Variants in HECW2 observed in about 807,000 individuals in gnomAD.
HECW2 encodes the protein HECT, C2 and WW domain containing E3 ubiquitin protein ligase 2.
Under a neutral mutation model 175.2 loss-of-function variants are expected in HECW2, and 61 were observed. The ratio of observed to expected loss-of-function variants is 0.35; its 90% confidence interval spans 0.28 to 0.43. The LOEUF (loss-of-function observed/expected upper bound fraction) is 0.43, where lower values mean the gene tolerates loss of function less well. Ranked by LOEUF, HECW2 falls within the 20% of genes least tolerant of loss-of-function variation. The pLI, the probability that HECW2 is intolerant of heterozygous loss-of-function variation, is 1.00. For missense variants in HECW2, 1,524 were observed against 2,000.5 expected (o/e 0.76, Z 4.54); for synonymous variants, 671 against 731.0 (o/e 0.92, Z 1.32).
At chr2:196,349,323 T>G (rs549052877) in intron 2 of HECW2, among the ~76,000 whole-genome samples, 1 of 152,364 alleles carries the variant, frequency 6.6e-6, no homozygotes, top group East Asian at 1.9e-4. Flanking sequence ...TTCTAGATTC[T>G]TAGGTTACTT....
At chr2:196,273,627 G>A (rs1052718051) in intron 16 of HECW2, among the ~76,000 whole-genome samples, 1 of 152,050 alleles carries the variant, frequency 6.6e-6, no homozygotes, top group South Asian at 2.1e-4. Context: ...ATTTTGTGAG[G>A]CTGCTACAGA....
At chr2:196,578,417 GA>G (rs1388359146) in intron 1 of HECW2, among the ~76,000 whole-genome samples, 2 of 152,062 alleles carry the variant, frequency 1.3e-5, no homozygotes, top group African/African-American at 4.8e-5. Context: ...GGAGTTCCAG[GA>G]AAAGAGGAAA....
chr2:196,564,985 A>G (rs1690130028), intron 1 of HECW2, among the ~76,000 whole-genome samples: 1 of 149,926 alleles, frequency 6.7e-6, no homozygotes. Flanking sequence ...AAGCAATTTA[A>G]CTATTTCTTC....
intron 1 of HECW2, among the ~76,000 whole-genome samples, chr2:196,543,941 T>C (rs1306631907): frequency 6.6e-6 from 1 of 152,160 alleles, no homozygotes; most frequent in African/African-American, 2.4e-5. Flanking sequence ...ACAGGTAAAT[T>C]GGTAATAAAA....
intron 1 of HECW2, among the ~76,000 whole-genome samples, chr2:196,578,323 A>C (rs562418049): frequency 1.2e-3 from 182 of 152,304 alleles, no homozygotes; most frequent in African/African-American, 4.0e-3. Flanking sequence ...TGTCTTAGGA[A>C]TAGAAAGAAA....
At chr2:196,214,946 A>G (rs1050067145) in intron 28 of HECW2, among the ~76,000 whole-genome samples, 2 of 152,192 alleles carry the variant, frequency 1.3e-5, no homozygotes, top group African/African-American at 4.8e-5. Context: ...TCTCAAAGTC[A>G]TCTATACTTC....
At chr2:196,574,929 G>C (rs1433975606) in intron 1 of HECW2, among the ~76,000 whole-genome samples, 3 of 151,878 alleles carry the variant, frequency 2.0e-5, no homozygotes, top group Non-Finnish European at 2.9e-5. Flanking sequence ...CACAGGGAAA[G>C]GATAGTCATT....
intron 9 of HECW2, among the ~76,000 whole-genome samples, chr2:196,317,572 A>C (rs1042900794): frequency 1.1e-4 from 17 of 152,108 alleles, no homozygotes; most frequent in Admixed American, 9.8e-4. Flanking sequence ...TGTCCTCTGC[A>C]TGTATCCCCC....
At chr2:196,472,537 C>T (rs1303581566) in intron 1 of HECW2, among the ~76,000 whole-genome samples, 3 of 138,960 alleles carry the variant, frequency 2.2e-5, no homozygotes, top group Non-Finnish European at 4.7e-5. Flanking sequence ...AGGACCCAAA[C>T]ATAGGTCTAT....
intron 1 of HECW2, among the ~76,000 whole-genome samples, chr2:196,548,598 T>C (rs1199463962): frequency 1.3e-5 from 2 of 152,188 alleles, no homozygotes; most frequent in East Asian, 3.8e-4. Flanking sequence ...CAGGTCATTG[T>C]AATAAGTAAA....
intron 1 of HECW2, among the ~76,000 whole-genome samples, chr2:196,571,974 T>C (rs968324152): frequency 6.6e-6 from 1 of 152,180 alleles, no homozygotes; most frequent in Non-Finnish European, 1.5e-5. Context: ...TTCTGACACA[T>C]ACTACAACAT....
rs573635823 is a variant in HECW2 at position 196,512,330 on chromosome 2, T to C, written c.-35-78872A>G. 5.9e-5 allele frequency among the ~76,000 whole-genome samples: 9 copies of C among 152,366 alleles called. No homozygotes were observed. The East Asian group carries it at 1.7e-3, about 29-fold the overall frequency. ...GTGACCCACCACTTTGCAACCTTCC[T>C]TTAATATTTTATGTCAGTTATCTAG... On this transcript the variant is annotated intron_variant, in intron 1 of 28. Transcript: ENST00000644978.
chr2:196,570,299 A>G (rs976950086), intron 1 of HECW2, among the ~76,000 whole-genome samples: 3 of 152,224 alleles, frequency 2.0e-5, no homozygotes, highest in Non-Finnish European at 4.4e-5. Context: ...TATAATGAAC[A>G]TATCATTTAT....
Position 196,278,133 on chromosome 2 carries a change from A to ATATATATATATATATATATATATACAT in HECW2, c.3135+394_3135+395insATGTATATATATATATATATATATATA, listed in dbSNP as rs1553489735. ...CCTAGAACTTAAAGTATAATTAAAA[A>ATATATATATATATATATATATATACAT]ATATATATATATATATATAAAGAAA... is the stretch of plus-strand genomic sequence containing the variant. On this transcript the variant is annotated intron_variant, in intron 15 of 28. Coordinates refer to ENST00000644978, the MANE Select transcript of HECW2 (RefSeq NM_001348768.2). 3.0e-4 allele frequency among the ~76,000 whole-genome samples: 20 copies of ATATATATATATATATATATATATACAT among 66,568 alleles called. 2 individuals are homozygous for ATATATATATATATATATATATATACAT. Among genetic ancestry groups the ATATATATATATATATATATATATACAT allele is most frequent in the African/African-American group, 8.2e-4 (20 of 24,324 alleles). The allele number at this position is 66,568 out of a possible 152,430, so 43.7% of individuals were successfully genotyped here. A position where few individuals can be genotyped will look rare whatever the true frequency, so the allele number is the denominator to read the frequency against.
chr2:196,269,588 A>C (rs1195553640), intron 17 of HECW2: 1 of 151,774 alleles, frequency 6.6e-6, no homozygotes, highest in African/African-American at 2.4e-5. Flanking sequence ...CTATATACAT[A>C]TATATTTTTA....
intron 1 of HECW2, among the ~76,000 whole-genome samples, chr2:196,475,354 C>T (rs1380974262): frequency 5.2e-5 from 7 of 134,710 alleles, no homozygotes; most frequent in African/African-American, 2.8e-5. Flanking sequence ...GGAGGGGATG[C>T]GCAAAGGGAA....
intron 2 of HECW2, among the ~76,000 whole-genome samples, chr2:196,404,406 T>C (rs1035791273): frequency 3.3e-5 from 5 of 152,136 alleles, no homozygotes; most frequent in African/African-American, 1.2e-4. Flanking sequence ...ATGATGTTTT[T>C]ATTTCCCAAA....
intron 1 of HECW2, among the ~76,000 whole-genome samples, chr2:196,458,979 T>C (rs550720027): frequency 6.6e-6 from 1 of 152,326 alleles, no homozygotes; most frequent in Admixed American, 6.5e-5. Context: ...TCCAGTTCCA[T>C]GTTAGGTACT....
intron 1 of HECW2, among the ~76,000 whole-genome samples, chr2:196,495,210 A>G: frequency 6.6e-6 from 1 of 151,940 alleles, no homozygotes; most frequent in Admixed American, 6.6e-5. Context: ...TGGGATTACA[A>G]GCGTACGCCA....
Sources: allele counts gnomAD v4.1 joint callset (sites outside exome capture counted in the v4.1 genomes callset), GRCh38; gene constraint gnomAD v4.1.1; transcripts MANE v1.5; gene names NCBI Gene and HGNC (gene_info 2026-07-23, HGNC 2026-07-21).